SLC7A11: variants seen among roughly 807,000 people sequenced by gnomAD.
The protein encoded by SLC7A11 is solute carrier family 7 member 11, also known as cystine/glutamate transporter.
In SLC7A11, 35 loss-of-function variants were observed where a neutral mutation model predicts 54.5. That is an observed-to-expected ratio of 0.64 (90% CI 0.49 to 0.85). The LOEUF is 0.85. SLC7A11 is among the 40% of genes least tolerant of loss of function. The pLI is 0.00. For missense variants in SLC7A11, 583 were observed against 618.1 expected, an observed-to-expected ratio of 0.94 and a Z score of 0.60; for synonymous variants, 230 against 225.2, an observed-to-expected ratio of 1.02 and a Z score of -0.19.
At chr4:138,209,905 T>C (rs1188752495) in intron 6 of SLC7A11, among the ~76,000 whole-genome samples, 1 of 151,940 alleles carries the variant, frequency 6.6e-6, no homozygotes, top group Non-Finnish European at 1.5e-5. Context: ...CTAAAATGCA[T>C]ATGAAACCAA....
chr4:138,200,035 CT>C (rs1339855954), intron 6 of SLC7A11, among the ~76,000 whole-genome samples: 1 of 152,110 alleles, frequency 6.6e-6, no homozygotes, highest in Non-Finnish European at 1.5e-5. Context: ...AAATCATGAC[CT>C]CCACTTGCTG....
chr4:138,196,935 C>T (rs4330397), intron 6 of SLC7A11, among the ~76,000 whole-genome samples: 5 of 152,074 alleles, frequency 3.3e-5, no homozygotes, highest in Non-Finnish European at 5.9e-5. Flanking sequence ...GCTAGGATTA[C>T]AGGCGTGAGC....
chr4:138,171,577 A>G lies in SLC7A11; in HGVS notation c.*379T>C. The G allele has an allele frequency of 5.1e-6, 1 of 196,448 alleles. No individual in the cohort carries two copies. Among genetic ancestry groups the G allele is most frequent in the Non-Finnish European group, 1.0e-5 (1 of 98,468 alleles). 12.2% of individuals were successfully genotyped at this position (196,448 alleles called of 1,614,324 possible). A position where few individuals can be genotyped will look rare whatever the true frequency, so the allele number is the denominator to read the frequency against. On this transcript the variant is annotated 3_prime_UTR_variant, in exon 12 of 12. Coordinates refer to ENST00000280612, the MANE Select transcript of SLC7A11 (RefSeq NM_014331.4). ...AGTATAGACATCTATAGTGTGTAAA[A>G]CCATCTTTACAAAACCCATATATAC...
In SLC7A11 at chr4:138,242,176, GTCTC is replaced by G. The variant is rs1391956555; in HGVS notation, c.-111_-108del. 7 of 1,279,460 alleles carry G rather than the reference GTCTC, an allele frequency of 5.5e-6. No homozygotes were observed. Among genetic ancestry groups the G allele is most frequent in the Admixed American group, 4.4e-5 (2 of 45,812 alleles). The allele number at this position is 1,279,460 out of a possible 1,614,324, so 79.3% of individuals were successfully genotyped here. ...CGATGTCTTCCTCTGCTTTCAGACT[GTCTC>G]TCTCAGCGCTATAGTGTTCACAGGT... On this transcript the variant is annotated 5_prime_UTR_variant, in exon 1 of 12. Coordinates refer to ENST00000280612, the MANE Select transcript of SLC7A11 (RefSeq NM_014331.4).
chr4:138,217,017 GATA>G (rs1737696703), intron 5 of SLC7A11, among the ~76,000 whole-genome samples: 1 of 152,146 alleles, frequency 6.6e-6, no homozygotes, highest in African/African-American at 2.4e-5. Flanking sequence ...TTTACATCCA[GATA>G]ATAACTTTTC....
chr4:138,185,760 C>T (rs1736861189), intron 6 of SLC7A11, among the ~76,000 whole-genome samples: 1 of 152,158 alleles, frequency 6.6e-6, no homozygotes, highest in African/African-American at 2.4e-5. Flanking sequence ...ACACTTTTCA[C>T]ATTCAATGTT....
rs554268311 is a variant in SLC7A11, at chr4:138,187,881, A to T, written c.792-2637T>A. On this transcript the variant is annotated intron_variant, in intron 6 of 11. Coordinates refer to ENST00000280612, the MANE Select transcript of SLC7A11 (RefSeq NM_014331.4). ...AAAAAACTTTTTTTTATAGAGAAGG[A>T]GGGAAGGTAACCATGCCTCAGATAA... 3.3e-5 allele frequency among the ~76,000 whole-genome samples: 5 copies of T among 152,222 alleles called. No homozygotes were observed. In the South Asian group the frequency reaches 6.2e-4, roughly 19 times the overall value.
In SLC7A11 at chr4:138,165,416, A is replaced by G. The variant is rs944401684; in HGVS notation, c.*6540T>C. 1 of 152,612 alleles carries G rather than the reference A, an allele frequency of 6.6e-6. No homozygotes were observed. The highest frequency in any genetic ancestry group is 1.5e-5 in the Non-Finnish European group (1 of 68,014). The allele number at this position is 152,612 out of a possible 1,614,324, so 9.5% of individuals were successfully genotyped here. A position where few individuals can be genotyped will look rare whatever the true frequency, so the allele number is the denominator to read the frequency against. On this transcript the variant is annotated 3_prime_UTR_variant, in exon 12 of 12. Coordinates refer to ENST00000280612, the MANE Select transcript of SLC7A11 (RefSeq NM_014331.4). Reference sequence around the variant, plus strand: ...GCCATTTGTCTTGCCTTTTTCTGACATGTGCATACTATAAAATCACAGGTA... The same window carrying G: ...GCCATTTGTCTTGCCTTTTTCTGACGTGTGCATACTATAAAATCACAGGTA...
At chr4:138,191,438 AACAG>A (rs1737012060) in intron 6 of SLC7A11, among the ~76,000 whole-genome samples, 1 of 152,200 alleles carries the variant, frequency 6.6e-6, no homozygotes, top group Non-Finnish European at 1.5e-5. Flanking sequence ...GTAAGAAATG[AACAG>A]ACAAAGATTA....
chr4:138,214,656 C>A (rs1365295015), intron 5 of SLC7A11, 27 bp from the exon 6 acceptor site: 2 of 876,608 alleles, frequency 2.3e-6, no homozygotes, highest in African/African-American at 1.8e-5. Flanking sequence ...AAATTATAAA[C>A]TATTAATATA....
At chr4:138,203,953 T>C (rs921733700) in intron 6 of SLC7A11, among the ~76,000 whole-genome samples, 1 of 152,050 alleles carries the variant, frequency 6.6e-6, no homozygotes, top group Non-Finnish European at 1.5e-5. Context: ...CTCTTCACAA[T>C]CCTTTCCTTT....
chr4:138,217,888 A>G (rs892074724), intron 5 of SLC7A11, among the ~76,000 whole-genome samples: 1 of 152,242 alleles, frequency 6.6e-6, no homozygotes. Context: ...TTTGATGTCT[A>G]GCACCACATT....
intron 6 of SLC7A11, among the ~76,000 whole-genome samples, chr4:138,187,731 T>C (rs1233699700): frequency 6.6e-6 from 1 of 152,214 alleles, no homozygotes; most frequent in Non-Finnish European, 1.5e-5. Flanking sequence ...TTTTTATCAC[T>C]TTTCTGTGTA....
intron 6 of SLC7A11, among the ~76,000 whole-genome samples, chr4:138,203,240 G>C (rs1737330243): frequency 6.6e-6 from 1 of 151,998 alleles, no homozygotes; most frequent in Non-Finnish European, 1.5e-5. Flanking sequence ...TTAGGCATTA[G>C]TGTGTCATTT....
Position 138,171,731 on chromosome 4 carries a change from G to C in SLC7A11, c.*225C>G. 1 of 483,500 alleles carries C rather than the reference G, an allele frequency of 2.1e-6. No individual in the cohort carries two copies. The highest frequency in any genetic ancestry group is 2.9e-5 in the South Asian group (1 of 34,720). 30.0% of individuals were successfully genotyped at this position (483,500 alleles called of 1,614,324 possible). On this transcript the variant is annotated 3_prime_UTR_variant, in exon 12 of 12. Transcript: ENST00000280612. Reference sequence around the variant, plus strand: ...GGTAGGTATCAGAGACTCAAGAATTGTGCGACTCATAGAATAACTGCATAT... The same window carrying C: ...GGTAGGTATCAGAGACTCAAGAATTCTGCGACTCATAGAATAACTGCATAT...
intron 3 of SLC7A11, among the ~76,000 whole-genome samples, chr4:138,223,716 T>G (rs1467756483): frequency 2.0e-5 from 3 of 152,152 alleles, no homozygotes; most frequent in Non-Finnish European, 4.4e-5. Context: ...AACTCTTTCC[T>G]GTCTCTATGA....
intron 3 of SLC7A11, among the ~76,000 whole-genome samples, chr4:138,229,831 A>G (rs1283453693): frequency 6.6e-6 from 1 of 152,234 alleles, no homozygotes; most frequent in African/African-American, 2.4e-5. Context: ...ATAAATGTTT[A>G]CATGCAATCT....
chr4:138,213,045 C>T (rs1737590397), intron 6 of SLC7A11, among the ~76,000 whole-genome samples: 1 of 151,928 alleles, frequency 6.6e-6, no homozygotes, highest in Non-Finnish European at 1.5e-5. Flanking sequence ...CTGGTGCTTA[C>T]ATACAAGTTA....
At chr4:138,179,463 C>T (rs1043675890) in intron 10 of SLC7A11, 69 bp from the exon 11 acceptor site, 22 of 1,358,318 alleles carry the variant, frequency 1.6e-5, no homozygotes, top group South Asian at 8.7e-5. Context: ...TTGAGATGAG[C>T]GTGTCAGTCA....
Sources: allele counts gnomAD v4.1 joint callset (sites outside exome capture counted in the v4.1 genomes callset), GRCh38; gene constraint gnomAD v4.1.1; transcripts MANE v1.5; gene names NCBI Gene and HGNC (gene_info 2026-07-23, HGNC 2026-07-21).